ZNF347: variants seen among roughly 807,000 people sequenced by gnomAD.
ZNF347 encodes zinc finger protein 347.
ZNF347 carries 19 observed loss-of-function variants against 12.9 expected under a neutral mutation model. That is an observed-to-expected ratio of 1.47 (90% CI 1.03 to 2.16). The LOEUF (loss-of-function observed/expected upper bound fraction) is 2.16. Among genes scored for constraint, ZNF347 ranks in the 30% most tolerant of loss-of-function variants. The pLI is 0.00. For synonymous variants in ZNF347, 328 were observed against 340.6 expected (o/e 0.96, Z 0.41); for missense variants, 1,005 against 990.6 (o/e 1.01, Z -0.19).
intron 4 of ZNF347, among the ~76,000 whole-genome samples, chr19:53,148,402 T>C (rs947624019): frequency 6.6e-6 from 1 of 152,184 alleles, no homozygotes; most frequent in Non-Finnish European, 1.5e-5. Context: ...CAGCCCTCCC[T>C]GTGCCACACG....
chr19:53,141,141 G>C lies in ZNF347; in HGVS notation c.1687C>G (p.His563Asp). ...YSSLTTHQVI[H>D]TGEKPYKCNE... ...CATTTGTAAGGTTTTTCTCCAGTAT[G>C]GATGACCTGATGGGTAGTTAGGCTT... Residue 563 changes from histidine (H) to aspartate (D), a missense_variant, in exon 5 of 5, where the codon CAT becomes GAT. Coordinates refer to ENST00000334197, the MANE Select transcript of ZNF347 (RefSeq NM_032584.3). 3 of 1,614,032 alleles carry C rather than the reference G, an allele frequency of 1.9e-6. No homozygotes were observed. Among genetic ancestry groups the C allele is most frequent in the Non-Finnish European group, 2.5e-6 (3 of 1,179,920 alleles).
chr19:53,152,722 A>T (rs1193191531), intron 2 of ZNF347, among the ~76,000 whole-genome samples: 1 of 152,030 alleles, frequency 6.6e-6, no homozygotes, highest in African/African-American at 2.4e-5. Context: ...CGAGGTCAGG[A>T]GTTCGAGACC....
At chr19:53,144,494 CAAT>C (rs939786196) in intron 4 of ZNF347, among the ~76,000 whole-genome samples, 2 of 151,762 alleles carry the variant, frequency 1.3e-5, no homozygotes, top group Admixed American at 1.3e-4. Flanking sequence ...GGTAGCAATA[CAAT>C]AATATTAGGG....
chr19:53,151,255 G>C (rs73057836), intron 2 of ZNF347, among the ~76,000 whole-genome samples: 1 of 152,124 alleles, frequency 6.6e-6, no homozygotes, highest in Non-Finnish European at 1.5e-5. Flanking sequence ...CAAATAGTTG[G>C]CCAGGCGTGG....
intron 4 of ZNF347, among the ~76,000 whole-genome samples, chr19:53,144,664 G>T (rs1250122105): frequency 6.6e-6 from 1 of 151,894 alleles, no homozygotes. Flanking sequence ...TCCCTATGTT[G>T]CCCAGGCTGT....
At position 53,140,480 on chromosome 19, in the gene ZNF347, T is replaced by G; in HGVS notation, c.2348A>C (p.His783Pro). The G allele has an allele frequency of 6.2e-7, 1 of 1,613,936 alleles. No homozygotes were observed. The highest frequency in any genetic ancestry group is 1.1e-5 in the South Asian group (1 of 91,056). ...AFSQTSKLAR[H>P]QRIHTGEKPY... The stretch of plus-strand genomic sequence containing the variant: ...TTTCTCTCCGGTATGAATTCTCTGA[T>G]GCCTTGCAAGTTTTGAAGTTTGACT... Residue 783 changes from histidine to proline, a missense_variant, in exon 5 of 5, where the codon CAT (histidine) becomes CCT (proline). His to Pro is a moderately conservative substitution (Grantham distance 77). Transcript: ENST00000334197.
chr19:53,152,171 TAAC>T (rs973155801), intron 2 of ZNF347, among the ~76,000 whole-genome samples: 4 of 150,324 alleles, frequency 2.7e-5, no homozygotes, highest in African/African-American at 7.3e-5. Context: ...AGTTTAGTAA[TAAC>T]AACAGTGAAA....
At chr19:53,154,658 T>G (rs1009492047) in intron 1 of ZNF347, among the ~76,000 whole-genome samples, 1 of 151,570 alleles carries the variant, frequency 6.6e-6, no homozygotes, top group Non-Finnish European at 1.5e-5. Context: ...GCCAAGAAAA[T>G]AGAAGAGAAA....
At chr19:53,148,653 C>T (rs979459674) in intron 4 of ZNF347, 28 bp downstream of exon 4, 1 of 1,595,570 alleles carries the variant, frequency 6.3e-7, no homozygotes, top group Admixed American at 1.8e-5. Flanking sequence ...TAATAAACGG[C>T]ATTTTCTCTA....
At chr19:53,153,891 T>TCA (rs146492650) in intron 1 of ZNF347, 98 bp from the exon 2 acceptor site, 589 of 803,634 alleles carry the variant, frequency 7.3e-4, no homozygotes, top group Non-Finnish European at 8.9e-4. Flanking sequence ...TATGCCACAA[T>TCA]CACACACACA....
chr19:53,143,050 A>G (rs569849537), intron 4 of ZNF347, among the ~76,000 whole-genome samples: 18 of 152,338 alleles, frequency 1.2e-4, no homozygotes, highest in Admixed American at 3.9e-4. Flanking sequence ...AATAAGCACA[A>G]CAGTTTGTTA....
chr19:53,154,387 G>A (rs569674412), intron 1 of ZNF347, among the ~76,000 whole-genome samples: 1 of 152,230 alleles, frequency 6.6e-6, no homozygotes, highest in East Asian at 1.9e-4. Context: ...CACTTTGGGA[G>A]GCCTAGATGC....
In ZNF347 at chr19:53,136,086, T is replaced by C. The variant is rs2090387026; in HGVS notation, c.*4222A>G. 1 of 151,750 alleles carries C rather than the reference T, an allele frequency of 6.6e-6. No individual in the cohort carries two copies. The highest frequency in any genetic ancestry group is 2.1e-4 in the South Asian group (1 of 4,804). The allele number at this position is 151,750 out of a possible 1,614,324, so 9.4% of individuals were successfully genotyped here. On this transcript the variant is annotated 3_prime_UTR_variant, in exon 5 of 5. Transcript: ENST00000334197. The stretch of plus-strand genomic sequence containing the variant: ...GGGGACTCTCTTATTAACTGTATTT[T>C]CATTTACTTCTCCAGATGCTGGTTA...
In ZNF347 at chr19:53,158,040, C is replaced by T. The variant is rs73935256; in HGVS notation, c.-47+969G>A. The stretch of plus-strand genomic sequence containing the variant: ...TTCTACTTCTCTCTCTGTCTCTGCC[C>T]CTTTCTCTACCTGCTAATCCCCTTG... On this transcript the variant is annotated intron_variant, in intron 1 of 4. Transcript: ENST00000334197. Among the ~76,000 whole-genome samples the T allele has an allele frequency of 5.6e-3, 856 of 152,298 alleles. 9 individuals carry two copies. The highest frequency in any genetic ancestry group is 0.019 in the African/African-American group (795 of 41,566).
rs2090380798 is a variant in ZNF347, at chr19:53,135,329, T to TAGAGAGAGAG, written c.*4978_*4979insCTCTCTCTCT. The TAGAGAGAGAG allele has an allele frequency of 2.1e-5, 1 of 47,560 alleles. No individual in the cohort carries two copies. The highest frequency in any genetic ancestry group is 8.0e-5 in the African/African-American group (1 of 12,524). The allele number at this position is 47,560 out of a possible 1,614,324, so 2.9% of individuals were successfully genotyped here. ...ATATATATATATATATATATATATATATATATATATAGAGAGAGAGAGAGA... is the reference window on the plus strand; with the variant it reads ...ATATATATATATATATATATATATATAGAGAGAGAGATATATATATAGAGAGAGAGAGAGA... On this transcript the variant is annotated 3_prime_UTR_variant, in exon 5 of 5. Coordinates refer to ENST00000334197, the MANE Select transcript of ZNF347 (RefSeq NM_032584.3).
In ZNF347 at chr19:53,136,398, T is replaced by C. The variant is rs1599847981; in HGVS notation, c.*3910A>G. 6.6e-6 allele frequency: 1 copy of C among 151,856 alleles called. No individual in the cohort carries two copies. The highest frequency in any genetic ancestry group is 3.4e-3 in the Middle Eastern group (1 of 294). 9.4% of individuals were successfully genotyped at this position (151,856 alleles called of 1,614,324 possible). On this transcript the variant is annotated 3_prime_UTR_variant, in exon 5 of 5. Transcript: ENST00000334197. ...TAAACATATAATTTGGATTAAAATG[T>C]ATGGAAGGAAAAAATCCTTAAAGTA... is the stretch of plus-strand genomic sequence containing the variant.
At chr19:53,156,054 G>C (rs926722498) in intron 1 of ZNF347, among the ~76,000 whole-genome samples, 28 of 114,764 alleles carry the variant, frequency 2.4e-4, no homozygotes, top group African/African-American at 8.2e-4. Flanking sequence ...TCGGGGGGGG[G>C]GGGGGGTTAG....
rs1008242804 is a variant in ZNF347, at chr19:53,142,131, G to T, written c.697C>A (p.His233Asn). The T allele has an allele frequency of 3.7e-6, 6 of 1,613,468 alleles. No individual in the cohort carries two copies. The African/African-American group carries it at 8.0e-5, about 22-fold the overall frequency. The change falls in exon 5 of 5, where the codon CAC becomes AAC. Residue 233 changes from histidine (H) to asparagine (N), a missense_variant. Physicochemically the swap from His to Asn is moderately conservative, Grantham distance 68 (BLOSUM62 1). Transcript: ENST00000334197. ...TCTTTGAGATATTTCTTAGAAATGT[G>T]GGTTTTGACATTATAAGGCATTTGT... ...PQQMPYNVKTHISKKYLKDFI... is the reference protein window; with the variant it reads ...PQQMPYNVKTNISKKYLKDFI...
chr19:53,147,579 A>ATAC (rs1046500972), intron 4 of ZNF347, among the ~76,000 whole-genome samples: 3 of 151,820 alleles, frequency 2.0e-5, no homozygotes, highest in African/African-American at 7.3e-5. Context: ...AATAATAATA[A>ATAC]TAATAAAGAA....
Sources: gnomAD v4.1 joint callset for allele counts (sites outside exome capture counted in the v4.1 genomes callset) on GRCh38, gnomAD v4.1.1 for gene constraint, MANE v1.5 for transcripts, NCBI Gene and HGNC (gene_info 2026-07-23, HGNC 2026-07-21) for gene names.